Variants in ANK3 observed in about 807,000 individuals in gnomAD.
ANK3 encodes ankyrin 3.
Under a neutral mutation model 370.9 loss-of-function variants are expected in ANK3, and 57 were observed. The observed-to-expected ratio is 0.15, with a 90% confidence interval of 0.12 to 0.19. The LOEUF (loss-of-function observed/expected upper bound fraction) is 0.19, where lower values mean the gene tolerates loss of function less well. ANK3 is among the 10% of genes least tolerant of loss of function. The pLI is 1.00. For missense variants in ANK3, 4,439 were observed against 5,302.1 expected (o/e 0.84, Z 5.06); for synonymous variants, 1,929 against 1,946.3 (o/e 0.99, Z 0.23).
intron 42 of ANK3, 144 bp from the exon 43 acceptor site, chr10:60,042,903 T>A (rs2076359742): frequency 6.8e-7 from 1 of 1,478,500 alleles, no homozygotes; most frequent in African/African-American, 1.4e-5. Context: ...ATACGTACAA[T>A]CTTTAGCTTA....
chr10:60,194,636 G>C (rs555525047), intron 16 of ANK3, among the ~76,000 whole-genome samples: 1 of 152,304 alleles, frequency 6.6e-6, no homozygotes, highest in South Asian at 2.1e-4. Flanking sequence ...TGCACAGTGA[G>C]TATATGCATT....
chr10:60,172,295 A>G lies in ANK3; in HGVS notation c.2478+13T>C. On this transcript the variant is annotated intron_variant, in intron 21 of 43. Transcript: ENST00000280772. ...GGCTCCTAGGGTAACAAGGTTCTGC[A>G]TTCCTTACTTACAGTTGTGGTCATG... 6.2e-7 allele frequency: 1 copy of G among 1,608,358 alleles called. No homozygotes were observed.
At chr10:60,180,528 G>A (rs2096130059) in intron 18 of ANK3, among the ~76,000 whole-genome samples, 1 of 143,264 alleles carries the variant, frequency 7.0e-6, no homozygotes, top group Admixed American at 7.2e-5. Flanking sequence ...CGTGGGAGGT[G>A]GAGGTTGCAG....
intron 2 of ANK3, among the ~76,000 whole-genome samples, chr10:60,611,055 A>AATTATATACTTTTATATATGAGT (rs1401960366): frequency 6.6e-6 from 1 of 152,226 alleles, no homozygotes; most frequent in African/African-American, 2.4e-5. Context: ...CTATATGAGT[A>AATTATATACTTTTATATATGAGT]AATTATATAC....
chr10:60,036,698 A>C (rs2075078978), intron 43 of ANK3, among the ~76,000 whole-genome samples: 1 of 151,954 alleles, frequency 6.6e-6, no homozygotes, highest in Non-Finnish European at 1.5e-5. Context: ...GGCCTCCTAA[A>C]GTGCTGGGAA....
At chr10:60,641,867 T>G (rs1479115775) in intron 1 of ANK3, among the ~76,000 whole-genome samples, 1 of 151,528 alleles carries the variant, frequency 6.6e-6, no homozygotes, top group African/African-American at 2.4e-5. Context: ...GGAGAAAATT[T>G]TTGCAACCTA....
At chr10:60,472,282 G>A (rs1160813306) in intron 2 of ANK3, among the ~76,000 whole-genome samples, 2 of 152,078 alleles carry the variant, frequency 1.3e-5, no homozygotes, top group East Asian at 3.9e-4. Flanking sequence ...TAGTCCTCAT[G>A]CTATTATTTG....
intron 1 of ANK3, among the ~76,000 whole-genome samples, chr10:60,366,400 T>C (rs1018440956): frequency 1.3e-5 from 2 of 152,178 alleles, no homozygotes; most frequent in Non-Finnish European, 2.9e-5. Flanking sequence ...GCTCTTTCTC[T>C]GTTTTTACCT....
chr10:60,730,359 T>C (rs1230036650), intron 1 of ANK3, among the ~76,000 whole-genome samples: 1 of 152,166 alleles, frequency 6.6e-6, no homozygotes, highest in Non-Finnish European at 1.5e-5. Flanking sequence ...GGTCTCGCTA[T>C]ATTACCAGGG....
chr10:60,422,863 A>T (rs915172405), intron 2 of ANK3, among the ~76,000 whole-genome samples: 1 of 152,074 alleles, frequency 6.6e-6, no homozygotes, highest in Non-Finnish European at 1.5e-5. Flanking sequence ...AAAACGTGAA[A>T]ATTTTGCTTT....
chr10:60,671,808 A>G (rs1403104504), intron 1 of ANK3, among the ~76,000 whole-genome samples: 1 of 152,228 alleles, frequency 6.6e-6, no homozygotes, highest in Non-Finnish European at 1.5e-5. Context: ...GGAGAATTCC[A>G]ATTGTGAGGA....
At chr10:60,064,112 C>A in intron 39 of ANK3, 45 bp downstream of exon 39, 1 of 1,507,348 alleles carries the variant, frequency 6.6e-7, no homozygotes, top group South Asian at 1.4e-5. Context: ...TAAAATATTA[C>A]ATTTATGCAG....
In ANK3 at chr10:60,213,443, T is replaced by G; in HGVS notation, c.965A>C (p.Asp322Ala). Residue 322 changes from aspartate (D) to alanine (A), a missense_variant, in exon 9 of 44, where the codon GAT becomes GCT. Physicochemically the swap from Asp to Ala is moderately radical, Grantham distance 126. Transcript: ENST00000280772. ...TTTTGAAAGAATGGGGGCAGCTCGA[T>G]CAAGCAACATTTCTACCACCTGCTC... ...GHEQVVEMLL[D>A]RAAPILSKTK... 1 of 1,612,648 alleles carries G rather than the reference T, an allele frequency of 6.2e-7. No individual in the cohort carries two copies. Among genetic ancestry groups the G allele is most frequent in the Non-Finnish European group, 8.5e-7 (1 of 1,179,258 alleles).
At chr10:60,608,640 T>C (rs918546088) in intron 2 of ANK3, among the ~76,000 whole-genome samples, 2 of 152,190 alleles carry the variant, frequency 1.3e-5, no homozygotes, top group African/African-American at 4.8e-5. Context: ...CAAATACACA[T>C]GCACAATGTG....
chr10:60,388,373 G>A (rs1025087635), intron 1 of ANK3, among the ~76,000 whole-genome samples: 16 of 152,048 alleles, frequency 1.1e-4, no homozygotes, highest in African/African-American at 3.6e-4. Flanking sequence ...CCTGAAGAGG[G>A]GTACATGTGG....
At chr10:60,527,089 T>C (rs2076491690) in intron 2 of ANK3, among the ~76,000 whole-genome samples, 4 of 152,166 alleles carry the variant, frequency 2.6e-5, no homozygotes, top group Admixed American at 2.0e-4. Context: ...GCGTGCTAGA[T>C]GGGCAGTTAA....
intron 2 of ANK3, among the ~76,000 whole-genome samples, chr10:60,441,077 A>C (rs1000705115): frequency 6.6e-6 from 1 of 152,194 alleles, no homozygotes; most frequent in African/African-American, 2.4e-5. Flanking sequence ...GAAAAGAAAC[A>C]GAAGGCAGGA....
chr10:60,064,054 T>C, intron 39 of ANK3, 103 bp downstream of exon 39: 1 of 1,119,774 alleles, frequency 8.9e-7, no homozygotes, highest in Non-Finnish European at 1.2e-6. Flanking sequence ...TATTAAAGAT[T>C]ACAGAAAATT....
chr10:60,181,412 G>C lies in ANK3; in HGVS notation c.2101C>G (p.Leu701Val). The C allele has an allele frequency of 6.2e-7, 1 of 1,614,172 alleles. No homozygotes were observed. Residue 701 changes from leucine to valine, a missense_variant, in exon 18 of 44, where the codon CTC becomes GTC. By Grantham distance (32) the Leu-to-Val change is conservative. This residue lies in a region of ANK3 where 702 missense variants were observed against 941.5 expected (regional missense o/e 0.75). Coordinates refer to ENST00000280772, the MANE Select transcript of ANK3 (RefSeq NM_020987.5). ...CGATCTTCTTGAGCAGCCAAATGGA[G>C]TGGGGTCAGGCCGCTCTGCAAAAGA... is the stretch of plus-strand genomic sequence containing the variant. ...NLSNKSGLTP[L>V]HLAAQEDRVN... is the part of the protein sequence containing the mutation.
Sources: allele counts gnomAD v4.1 joint callset (sites outside exome capture counted in the v4.1 genomes callset), GRCh38; gene constraint gnomAD v4.1.1; regional missense constraint gnomAD v4.1.1; transcripts MANE v1.5; gene names NCBI Gene and HGNC (gene_info 2026-07-23, HGNC 2026-07-21).